The following CCDC178 variants were observed in gnomAD, a reference collection of about 807,000 sequenced individuals.
The protein encoded by CCDC178 is coiled-coil domain containing 178.
CCDC178 carries 126 observed loss-of-function variants against 117.4 expected under a neutral mutation model. The ratio of observed to expected loss-of-function variants is 1.07; its 90% CI spans 0.93 to 1.24. The LOEUF is 1.24. Ranked by LOEUF, CCDC178 falls within the 50% of genes most tolerant of loss-of-function variation. CCDC178 has a pLI of 0.00. For missense variants in CCDC178, 1,030 were observed against 986.9 expected (o/e 1.04, Z -0.59); for synonymous variants, 283 against 313.4 (o/e 0.90, Z 1.02).
At chr18:33,237,219 T>C (rs1354458135) in intron 15 of CCDC178, among the ~76,000 whole-genome samples, 2 of 152,090 alleles carry the variant, frequency 1.3e-5, no homozygotes, top group Admixed American at 6.6e-5. Flanking sequence ...CCTAGCTGTG[T>C]GGAGCCTGGG....
At chr18:33,110,532 T>G (rs1353844426) in intron 20 of CCDC178, among the ~76,000 whole-genome samples, 1 of 151,618 alleles carries the variant, frequency 6.6e-6, no homozygotes, top group Non-Finnish European at 1.5e-5. Flanking sequence ...AACTTTAACA[T>G]TTATATCTGT....
At chr18:33,037,613 T>C (rs1201616184) in intron 21 of CCDC178, among the ~76,000 whole-genome samples, 1 of 152,002 alleles carries the variant, frequency 6.6e-6, no homozygotes, top group Non-Finnish European at 1.5e-5. Context: ...CCCAGGAATG[T>C]AGATGCTTTT....
At chr18:33,158,407 T>C (rs968730260) in intron 20 of CCDC178, among the ~76,000 whole-genome samples, 3 of 152,146 alleles carry the variant, frequency 2.0e-5, no homozygotes, top group African/African-American at 4.8e-5. Context: ...TTTATTTCCA[T>C]AGAATTATCT....
chr18:33,397,276 C>G (rs1459826655), intron 3 of CCDC178, 68 bp from the exon 4 acceptor site: 2 of 1,022,182 alleles, frequency 2.0e-6, no homozygotes, highest in African/African-American at 3.2e-5. Context: ...CCCTATATTG[C>G]ACTAGTAAGG....
rs2057528152 is a variant in CCDC178, at chr18:33,095,464, T to A, written c.2239-2554A>T. On this transcript the variant is annotated intron_variant, in intron 20 of 22. Transcript: ENST00000383096. Reference sequence around the variant, plus strand: ...CTTTTCCCAATATTTTATTATAAAATAAAGATTATGCTTATAAGGACTGAA... The same window carrying A: ...CTTTTCCCAATATTTTATTATAAAAAAAAGATTATGCTTATAAGGACTGAA... Among the ~76,000 whole-genome samples, 3 of 152,072 alleles carry A rather than the reference T, an allele frequency of 2.0e-5. No homozygotes were observed. The South Asian group carries it at 6.2e-4, about 32-fold the overall frequency.
rs774113499 is a variant in CCDC178 at position 33,053,257 on chromosome 18, G to A, written c.2388+39504C>T. 1.3e-4 allele frequency among the ~76,000 whole-genome samples: 19 copies of A among 151,968 alleles called. 1 individual carries two copies. The East Asian group carries it at 1.7e-3, about 14-fold the overall frequency. On this transcript the variant is annotated intron_variant, in intron 21 of 22. Transcript: ENST00000383096. ...TACCTACTGAGATGGCTTTCCCTAC[G>A]GATTTGTTTCATTACCCCAAATCAC... is the stretch of plus-strand genomic sequence containing the variant.
At chr18:33,358,875 T>C (rs1179360091) in intron 6 of CCDC178, among the ~76,000 whole-genome samples, 1 of 151,716 alleles carries the variant, frequency 6.6e-6, no homozygotes, top group Non-Finnish European at 1.5e-5. Flanking sequence ...TAAAAGTCAA[T>C]AAGAAAATAC....
chr18:33,155,412 G>A (rs2058382988), intron 20 of CCDC178, among the ~76,000 whole-genome samples: 1 of 151,994 alleles, frequency 6.6e-6, no homozygotes, highest in South Asian at 2.1e-4. Flanking sequence ...GAGAAACAAG[G>A]TTTAAAATCA....
chr18:33,069,801 A>T (rs1439832982), intron 21 of CCDC178, among the ~76,000 whole-genome samples: 2 of 152,052 alleles, frequency 1.3e-5, no homozygotes, highest in Non-Finnish European at 2.9e-5. Flanking sequence ...TGACCAGAAT[A>T]TACAAGGTAT....
At chr18:33,006,289 T>C (rs2055748628) in intron 21 of CCDC178, among the ~76,000 whole-genome samples, 1 of 152,060 alleles carries the variant, frequency 6.6e-6, no homozygotes, top group Non-Finnish European at 1.5e-5. Flanking sequence ...TAAGCTAATT[T>C]ACCTACACAG....
chr18:32,984,419 A>G (rs2055220262), intron 21 of CCDC178, among the ~76,000 whole-genome samples: 2 of 152,090 alleles, frequency 1.3e-5, no homozygotes, highest in South Asian at 2.1e-4. Flanking sequence ...TATAACAGAT[A>G]ATAATTCATC....
chr18:33,440,324 T>TG lies in CCDC178; in HGVS notation c.-142-244dup, dbSNP rs1250323781. The TG allele has an allele frequency of 3.0e-3, 7 of 2,360 alleles. No individual in the cohort carries two copies. The East Asian group carries it at 0.073, about 25-fold the overall frequency. The allele number at this position is 2,360 out of a possible 1,614,324, so 0.1% of individuals were successfully genotyped here. A position where few individuals can be genotyped will look rare whatever the true frequency, so the allele number is the denominator to read the frequency against. Reference sequence around the variant, plus strand: ...CTGGGGGACTGGGGGACTGGGGGACTGGGGGACTGGGGGACTGGGGACAGG... The same window carrying TG: ...CTGGGGGACTGGGGGACTGGGGGACTGGGGGGACTGGGGGACTGGGGACAGG... On this transcript the variant is annotated intron_variant, in intron 1 of 22. Transcript: ENST00000383096.
intron 21 of CCDC178, among the ~76,000 whole-genome samples, chr18:32,985,520 T>C (rs1372509753): frequency 6.6e-6 from 1 of 152,026 alleles, no homozygotes; most frequent in East Asian, 1.9e-4. Context: ...TTGTCACAGA[T>C]GCCCAAAATT....
chr18:33,203,486 A>G (rs1473006275), intron 20 of CCDC178, among the ~76,000 whole-genome samples: 1 of 152,170 alleles, frequency 6.6e-6, no homozygotes, highest in Non-Finnish European at 1.5e-5. Context: ...TAATTTACAT[A>G]GTCATTGATT....
intron 11 of CCDC178, among the ~76,000 whole-genome samples, chr18:33,313,424 T>G (rs745383144): frequency 1.2e-4 from 19 of 152,174 alleles, no homozygotes; most frequent in Non-Finnish European, 2.4e-4. Flanking sequence ...GTCCTACTCC[T>G]TTTATCCCAG....
intron 20 of CCDC178, among the ~76,000 whole-genome samples, chr18:33,106,952 G>A (rs1217395005): frequency 6.6e-6 from 1 of 151,680 alleles, no homozygotes; most frequent in East Asian, 1.9e-4. Flanking sequence ...TCAACTGACA[G>A]CAAGAAAGCA....
intron 5 of CCDC178, among the ~76,000 whole-genome samples, chr18:33,387,758 C>G (rs1390830428): frequency 6.6e-6 from 1 of 152,082 alleles, no homozygotes; most frequent in Non-Finnish European, 1.5e-5. Flanking sequence ...TATAAAAACT[C>G]TAGAAGAAAA....
chr18:33,269,441 T>A (rs939068313), intron 12 of CCDC178, among the ~76,000 whole-genome samples: 1 of 151,766 alleles, frequency 6.6e-6, no homozygotes, highest in Non-Finnish European at 1.5e-5. Context: ...ATTTAACCTC[T>A]CACCTCCTGC....
At chr18:33,249,264 C>T (rs949226909) in intron 14 of CCDC178, among the ~76,000 whole-genome samples, 1 of 151,910 alleles carries the variant, frequency 6.6e-6, no homozygotes, top group Non-Finnish European at 1.5e-5. Flanking sequence ...AGAAGCTCTT[C>T]AGTTTAATTA....
Sources: gnomAD v4.1 joint callset for allele counts (sites outside exome capture counted in the v4.1 genomes callset) on GRCh38, gnomAD v4.1.1 for gene constraint, MANE v1.5 for transcripts, NCBI Gene and HGNC (gene_info 2026-07-23, HGNC 2026-07-21) for gene names.